SUCLG2: variants seen among roughly 807,000 people sequenced by gnomAD.
SUCLG2 encodes succinate-CoA ligase GDP-forming subunit beta.
A neutral mutation model predicts 47.9 loss-of-function variants in SUCLG2; 42 were observed. The ratio of observed to expected loss-of-function variants is 0.88; its 90% CI spans 0.69 to 1.14. The LOEUF (loss-of-function observed/expected upper bound fraction) is 1.14. SUCLG2 is among the 50% of genes most tolerant of loss of function. SUCLG2 has a pLI of 0.00. For synonymous variants in SUCLG2, 195 were observed against 197.3 expected (o/e 0.99, Z 0.10); for missense variants, 571 against 525.9 (o/e 1.09, Z -0.84).
chr3:67,379,259 C>T (rs1702101106), intron 10 of SUCLG2, among the ~76,000 whole-genome samples: 1 of 152,122 alleles, frequency 6.6e-6, no homozygotes, highest in South Asian at 2.1e-4. Context: ...AAATTTCTAT[C>T]TCCTCCTGCA....
intron 9 of SUCLG2, among the ~76,000 whole-genome samples, chr3:67,437,221 A>G (rs1575694659): frequency 1.3e-5 from 2 of 152,112 alleles, no homozygotes; most frequent in African/African-American, 2.4e-5. Context: ...TTTCATTTCT[A>G]TTCATTAGAT....
intron 9 of SUCLG2, among the ~76,000 whole-genome samples, chr3:67,424,571 C>A (rs1432608711): frequency 2.0e-5 from 3 of 152,164 alleles, no homozygotes; most frequent in Admixed American, 6.5e-5. Flanking sequence ...TCTGTGTCCT[C>A]TGGTTAGTTA....
chr3:67,622,664 A>G (rs1297916345), intron 1 of SUCLG2, among the ~76,000 whole-genome samples: 1 of 152,226 alleles, frequency 6.6e-6, no homozygotes, highest in African/African-American at 2.4e-5. Flanking sequence ...AAAATGAAAG[A>G]AGGCAAGCTA....
At chr3:67,395,577 C>A (rs1264141443) in intron 10 of SUCLG2, among the ~76,000 whole-genome samples, 2 of 152,188 alleles carry the variant, frequency 1.3e-5, no homozygotes, top group African/African-American at 2.4e-5. Context: ...TAATGGGAGA[C>A]TTTAACACCT....
At chr3:67,376,676 C>G (rs776505981) in intron 10 of SUCLG2, among the ~76,000 whole-genome samples, 2 of 152,112 alleles carry the variant, frequency 1.3e-5, no homozygotes, top group Non-Finnish European at 2.9e-5. Context: ...AAAAGAGGCA[C>G]TGGGTCAGCA....
chr3:67,364,306 G>C (rs1270465461), intron 10 of SUCLG2, among the ~76,000 whole-genome samples: 2 of 152,094 alleles, frequency 1.3e-5, no homozygotes, highest in Admixed American at 1.3e-4. Context: ...TCCTACATGG[G>C]GTCAGTGGAG....
chr3:67,390,529 C>T (rs1431038493), intron 10 of SUCLG2, among the ~76,000 whole-genome samples: 1 of 152,070 alleles, frequency 6.6e-6, no homozygotes, highest in Non-Finnish European at 1.5e-5. Flanking sequence ...CCAACTGAGA[C>T]AGAGGATTAT....
At chr3:67,598,889 T>C (rs571663378) in intron 2 of SUCLG2, among the ~76,000 whole-genome samples, 82 of 152,234 alleles carry the variant, frequency 5.4e-4, no homozygotes, top group Non-Finnish European at 1.1e-3. Flanking sequence ...CTAAAAAGGA[T>C]GGGACTATGC....
intron 9 of SUCLG2, among the ~76,000 whole-genome samples, chr3:67,462,965 A>T (rs1411749412): frequency 6.6e-6 from 1 of 152,198 alleles, no homozygotes; most frequent in Non-Finnish European, 1.5e-5. Flanking sequence ...TTGATCACAG[A>T]AGTCTTCTGT....
At chr3:67,422,926 T>A (rs6807831) in intron 9 of SUCLG2, among the ~76,000 whole-genome samples, 6,362 of 152,224 alleles carry the variant, frequency 0.042, 274 homozygotes, top group East Asian at 0.15. Context: ...CTTCTGGACC[T>A]GAGAATGGAA....
chr3:67,576,808 A>C (rs1707754066), intron 2 of SUCLG2, among the ~76,000 whole-genome samples: 1 of 152,234 alleles, frequency 6.6e-6, no homozygotes. Flanking sequence ...AAGACAGAAA[A>C]TACTACAGGT....
intron 2 of SUCLG2, among the ~76,000 whole-genome samples, chr3:67,593,055 T>C (rs1243583011): frequency 1.3e-5 from 2 of 152,216 alleles, no homozygotes; most frequent in Non-Finnish European, 2.9e-5. Flanking sequence ...ATACAATTTG[T>C]GTACATTACT....
At chr3:67,430,994 C>T (rs1306449046) in intron 9 of SUCLG2, among the ~76,000 whole-genome samples, 3 of 152,070 alleles carry the variant, frequency 2.0e-5, no homozygotes, top group Non-Finnish European at 4.4e-5. Flanking sequence ...CAGGACCAGA[C>T]GGATTCACAG....
At chr3:67,624,480 CCTTT>C (rs1476967613) in intron 1 of SUCLG2, among the ~76,000 whole-genome samples, 1 of 151,308 alleles carries the variant, frequency 6.6e-6, no homozygotes, top group Non-Finnish European at 1.5e-5. Context: ...CAGAGAGCAC[CCTTT>C]CTTTCACAAT....
At chr3:67,550,273 G>A (rs1276058375) in intron 2 of SUCLG2, among the ~76,000 whole-genome samples, 2 of 152,188 alleles carry the variant, frequency 1.3e-5, no homozygotes, top group Non-Finnish European at 2.9e-5. Context: ...GCACTCTCTT[G>A]AGGTGTCCCC....
At chr3:67,591,393 C>T (rs991977261) in intron 2 of SUCLG2, among the ~76,000 whole-genome samples, 1 of 152,156 alleles carries the variant, frequency 6.6e-6, no homozygotes, top group Non-Finnish European at 1.5e-5. Context: ...CTTTTCACAA[C>T]TGATATGGTT....
At chr3:67,390,923 T>C (rs1369439058) in intron 10 of SUCLG2, among the ~76,000 whole-genome samples, 1 of 152,198 alleles carries the variant, frequency 6.6e-6, no homozygotes, top group Non-Finnish European at 1.5e-5. Context: ...AACTTCTATG[T>C]CTCAGATATG....
chr3:67,561,742 T>C (rs1490140207), intron 2 of SUCLG2, among the ~76,000 whole-genome samples: 1 of 152,178 alleles, frequency 6.6e-6, no homozygotes, highest in Non-Finnish European at 1.5e-5. Context: ...TTTTCAGTGG[T>C]GCATAATCAA....
rs543318164 is a variant in SUCLG2, at chr3:67,568,752, T to C, written c.227-39566A>G. ...AATACAAAAAATTAGCCGGGCGTGG[T>C]AGCGGGCGCCTGTAGTCCCAGCTAC... On this transcript the variant is annotated intron_variant, in intron 2 of 10. Coordinates refer to ENST00000307227, the MANE Select transcript of SUCLG2 (RefSeq NM_003848.4). 2.6e-4 allele frequency among the ~76,000 whole-genome samples: 39 copies of C among 152,194 alleles called. No homozygotes were observed. The East Asian group carries it at 6.0e-3, about 23-fold the overall frequency.
Sources: gnomAD v4.1 joint callset for allele counts (sites outside exome capture counted in the v4.1 genomes callset) on GRCh38, gnomAD v4.1.1 for gene constraint, MANE v1.5 for transcripts, NCBI Gene and HGNC (gene_info 2026-07-23, HGNC 2026-07-21) for gene names.